Variants in KANK1 observed in about 807,000 individuals in gnomAD.
KANK1 encodes KN motif and ankyrin repeat domain-containing protein 1.
In KANK1, 109 loss-of-function variants were observed where a neutral mutation model predicts 106.2. That is an observed-to-expected ratio of 1.03 (90% CI 0.88 to 1.20). The LOEUF is 1.20. Ranked by LOEUF, KANK1 falls within the 50% of genes most tolerant of loss-of-function variation. KANK1 has a pLI of 0.00. For synonymous variants in KANK1, 873 were observed against 652.2 expected (o/e 1.34, Z -5.16); for missense variants, 2,399 against 1,710.7 (o/e 1.40, Z -7.10).
chr9:615,016 C>G (rs1831468352), intron 1 of KANK1, among the ~76,000 whole-genome samples: 1 of 151,758 alleles, frequency 6.6e-6, no homozygotes, highest in Non-Finnish European at 1.5e-5. Context: ...TCATGGCTCA[C>G]TGCAGCCTCC....
intron 1 of KANK1, among the ~76,000 whole-genome samples, chr9:664,211 C>T (rs183280752): frequency 5.9e-5 from 9 of 152,238 alleles, no homozygotes; most frequent in African/African-American, 1.2e-4. Context: ...ATCTACTGCT[C>T]TTCATTCCCC....
intron 1 of KANK1, among the ~76,000 whole-genome samples, chr9:601,992 C>G (rs936030948): frequency 2.0e-5 from 3 of 151,822 alleles, no homozygotes; most frequent in Non-Finnish European, 4.4e-5. Flanking sequence ...CATGGTTGTA[C>G]CAGGTCTGAA....
At chr9:605,462 C>T (rs917269933) in intron 1 of KANK1, among the ~76,000 whole-genome samples, 1 of 151,734 alleles carries the variant, frequency 6.6e-6, no homozygotes, top group South Asian at 2.1e-4. Context: ...GGAGAAAGTG[C>T]GTACACTCAG....
chr9:549,818 G>T (rs954393270), intron 1 of KANK1: 1 of 152,256 alleles, frequency 6.6e-6, no homozygotes, highest in Non-Finnish European at 1.5e-5. Context: ...GTTATTGTCT[G>T]TGTGGAGGAA....
At chr9:661,605 A>G (rs1843328477) in intron 1 of KANK1, among the ~76,000 whole-genome samples, 2 of 151,914 alleles carry the variant, frequency 1.3e-5, no homozygotes, top group African/African-American at 4.8e-5. Context: ...GTGTCTTTAT[A>G]GCAGCATGAT....
At chr9:642,051 T>C (rs1251249002) in intron 1 of KANK1, among the ~76,000 whole-genome samples, 1 of 152,198 alleles carries the variant, frequency 6.6e-6, no homozygotes, top group Non-Finnish European at 1.5e-5. Flanking sequence ...TCCATGGGTA[T>C]ATTAAATACT....
At chr9:696,349 C>A (rs1162994793) in intron 2 of KANK1, among the ~76,000 whole-genome samples, 1 of 151,712 alleles carries the variant, frequency 6.6e-6, no homozygotes, top group East Asian at 1.9e-4. Flanking sequence ...TAGAGAAACA[C>A]AGGCATGTGC....
intron 1 of KANK1, among the ~76,000 whole-genome samples, chr9:605,216 A>C (rs1276982450): frequency 1.3e-5 from 2 of 149,516 alleles, no homozygotes; most frequent in African/African-American, 5.0e-5. Context: ...CAGGAGAATC[A>C]CTTGAACGTG....
intron 1 of KANK1, among the ~76,000 whole-genome samples, chr9:609,839 ATATT>A (rs1295322974): frequency 6.6e-6 from 1 of 152,146 alleles, no homozygotes; most frequent in Non-Finnish European, 1.5e-5. Flanking sequence ...TAAGTATTTT[ATATT>A]TATTCACTAA....
chr9:505,265 T>A (rs1470711313), intron 1 of KANK1, among the ~76,000 whole-genome samples: 2 of 152,076 alleles, frequency 1.3e-5, no homozygotes, highest in Non-Finnish European at 2.9e-5. Context: ...AAGACCCCTT[T>A]ATCCTCGGCC....
intron 2 of KANK1, among the ~76,000 whole-genome samples, chr9:472,133 T>C (rs970747669): frequency 9.2e-5 from 14 of 152,214 alleles, no homozygotes; most frequent in African/African-American, 3.4e-4. Context: ...TATCAGGGAA[T>C]ACACCCTACC....
chr9:734,030 G>C (rs1392459725), intron 6 of KANK1: 2 of 143,794 alleles, frequency 1.4e-5, no homozygotes, highest in Non-Finnish European at 3.0e-5. Flanking sequence ...GATTGCTTGA[G>C]CCTGGGACAG....
At chr9:609,666 C>G (rs979841873) in intron 1 of KANK1, among the ~76,000 whole-genome samples, 1 of 152,040 alleles carries the variant, frequency 6.6e-6, no homozygotes, top group Admixed American at 6.5e-5. Context: ...AATGAATAGA[C>G]TCAATAGACA....
chr9:672,931 A>G (rs1375646959), intron 1 of KANK1, among the ~76,000 whole-genome samples: 2 of 152,198 alleles, frequency 1.3e-5, no homozygotes, highest in African/African-American at 4.8e-5. Context: ...CCACCATTGT[A>G]CCACTTAAGA....
In KANK1 at chr9:676,950, TC is replaced by T; in HGVS notation, c.-22del. 6.2e-7 allele frequency: 1 copy of T among 1,611,076 alleles called. No individual in the cohort carries two copies. The highest frequency in any genetic ancestry group is 8.5e-7 in the Non-Finnish European group (1 of 1,177,860). ...GCATGACTCCTCACTCCTTTCTGGA[TC>T]TCTCATTGGACTCAAGCCAGCATGG... On this transcript the variant is annotated 5_prime_UTR_variant, in exon 2 of 12. Transcript: ENST00000382297.
At chr9:576,490 T>C (rs1271868525) in intron 1 of KANK1, among the ~76,000 whole-genome samples, 2 of 152,242 alleles carry the variant, frequency 1.3e-5, no homozygotes, top group East Asian at 3.8e-4. Flanking sequence ...GCCAATCATA[T>C]GCTTGTCATA....
chr9:720,086 G>C (rs1828899802), intron 3 of KANK1, among the ~76,000 whole-genome samples: 1 of 152,156 alleles, frequency 6.6e-6, no homozygotes, highest in African/African-American at 2.4e-5. Flanking sequence ...TTATTTTCCA[G>C]GACACTGAGA....
At chr9:472,775 C>T (rs112826128) in intron 2 of KANK1, among the ~76,000 whole-genome samples, 380 of 152,204 alleles carry the variant, frequency 2.5e-3, no homozygotes, top group African/African-American at 9.0e-3. Context: ...GACAACAGAG[C>T]CCTATACCAA....
At chr9:503,750 A>T (rs139709756), upstream of KANK1, among the ~76,000 whole-genome samples, 34 of 152,268 alleles carry the variant, frequency 2.2e-4, no homozygotes, top group African/African-American at 8.2e-4. Flanking sequence ...CTGTTTGTTC[A>T]AGCCACCTTC....
Sources: gnomAD v4.1 joint callset for allele counts (sites outside exome capture counted in the v4.1 genomes callset) on GRCh38, gnomAD v4.1.1 for gene constraint, MANE v1.5 for transcripts, NCBI Gene and HGNC (gene_info 2026-07-23, HGNC 2026-07-21) for gene names.